Variants in MMP24 observed in about 807,000 individuals in gnomAD.
MMP24 encodes the protein matrix metallopeptidase 24, also known as matrix metalloproteinase-24.
A neutral mutation model predicts 62.8 loss-of-function variants in MMP24; 25 were observed. The observed-to-expected ratio is 0.40, with a 90% CI of 0.29 to 0.56. The LOEUF is 0.56. Among genes scored for constraint, MMP24 ranks in the 20% least tolerant of loss-of-function variants. The pLI is 0.50. For synonymous variants in MMP24, 319 were observed against 350.5 expected, an observed-to-expected ratio of 0.91 and a Z score of 1.00; for missense variants, 634 against 853.6, an observed-to-expected ratio of 0.74 and a Z score of 3.21.
Position 35,252,009 on chromosome 20 carries a change from A to G in MMP24, c.500A>G (p.His167Arg), listed in dbSNP as rs777388822. The G allele has an allele frequency of 3.2e-4, 516 of 1,612,706 alleles. 2 individuals carry two copies. Among genetic ancestry groups the G allele is most frequent in the Non-Finnish European group, 4.3e-4 (510 of 1,178,794 alleles). ...ALTGQKWRQK[H>R]ITYSIHNYTP... The stretch of plus-strand genomic sequence containing the variant: ...ACTGGACAGAAGTGGAGGCAAAAAC[A>G]CATCACCTACAGGTGCTTCGACTCT... Residue 167 changes from histidine to arginine, a missense_variant, in exon 3 of 9, where the codon CAC becomes CGC. Physicochemically the swap from His to Arg is conservative, Grantham distance 29. Around this residue, in one of 3 missense-constraint regions of MMP24, gnomAD observed 212 missense variants for 259.6 expected, o/e 0.82. Transcript: ENST00000246186.
At chr20:35,263,982 C>T (rs768428193) in intron 5 of MMP24, 30 bp downstream of exon 5, 2 of 1,567,904 alleles carry the variant, frequency 1.3e-6, no homozygotes, top group South Asian at 2.4e-5. Flanking sequence ...GGGACTGCTC[C>T]TTCCTCGGGG....
chr20:35,268,870 A>AC (rs2060650967), intron 6 of MMP24, among the ~76,000 whole-genome samples: 1 of 152,236 alleles, frequency 6.6e-6, no homozygotes, highest in Non-Finnish European at 1.5e-5. Flanking sequence ...TACTAAAAAT[A>AC]TAAAAAATTA....
At chr20:35,251,522 A>T (rs1162248009) in intron 2 of MMP24, among the ~76,000 whole-genome samples, 1 of 152,114 alleles carries the variant, frequency 6.6e-6, no homozygotes, top group African/African-American at 2.4e-5. Flanking sequence ...GCATTTTCAC[A>T]TGTACTTCCT....
chr20:35,242,945 A>C (rs370583522), intron 1 of MMP24, among the ~76,000 whole-genome samples: 1,758 of 152,318 alleles, frequency 0.012, 21 homozygotes, highest in South Asian at 0.022. Flanking sequence ...TGGGAGGCCA[A>C]GGCAGGTGTA....
intron 8 of MMP24, among the ~76,000 whole-genome samples, chr20:35,273,476 T>C (rs565209948): frequency 6.8e-6 from 1 of 147,740 alleles, no homozygotes; most frequent in Admixed American, 6.7e-5. Context: ...TGGGAAGGAG[T>C]CTCTGAGGAG....
intron 2 of MMP24, among the ~76,000 whole-genome samples, chr20:35,248,587 C>T (rs1234190323): frequency 1.3e-5 from 2 of 152,082 alleles, no homozygotes; most frequent in African/African-American, 2.4e-5. Flanking sequence ...GGATTACAGG[C>T]GTGAGCCACC....
chr20:35,229,571 A>G (rs1268625781), intron 1 of MMP24, among the ~76,000 whole-genome samples: 1 of 152,176 alleles, frequency 6.6e-6, no homozygotes, highest in Non-Finnish European at 1.5e-5. Flanking sequence ...CTTTCACTGA[A>G]CACTAGGGGA....
At chr20:35,255,436 C>G (rs750005540) in intron 4 of MMP24, among the ~76,000 whole-genome samples, 1 of 152,128 alleles carries the variant, frequency 6.6e-6, no homozygotes, top group Non-Finnish European at 1.5e-5. Flanking sequence ...ATGAATGACA[C>G]GACTGGCTCT....
intron 1 of MMP24, among the ~76,000 whole-genome samples, chr20:35,235,045 A>C (rs142114745): frequency 2.2e-3 from 339 of 152,330 alleles, no homozygotes; most frequent in Middle Eastern, 0.01. Context: ...TTAGGCTAAA[A>C]TAATGGAACT....
intron 3 of MMP24, among the ~76,000 whole-genome samples, chr20:35,253,868 G>GTTTTTTTTTTTTT (rs11474068): frequency 7.7e-6 from 1 of 130,084 alleles, no homozygotes; most frequent in African/African-American, 3.0e-5. Flanking sequence ...TTTCCTTTGG[G>GTTTTTTTTTTTTT]TTTTTTTTTT....
chr20:35,261,147 A>G (rs1175672562), intron 4 of MMP24, among the ~76,000 whole-genome samples: 2 of 152,074 alleles, frequency 1.3e-5, no homozygotes, highest in Admixed American at 1.3e-4. Flanking sequence ...TACCCCCTGC[A>G]TTTTCTCCCC....
intron 1 of MMP24, among the ~76,000 whole-genome samples, chr20:35,241,121 G>A (rs1267011703): frequency 6.6e-6 from 1 of 152,200 alleles, no homozygotes; most frequent in African/African-American, 2.4e-5. Context: ...GAACTGTGAA[G>A]GGCAGAGAGT....
intron 3 of MMP24, 113 bp from the exon 4 acceptor site, chr20:35,254,337 A>C: frequency 9.2e-7 from 1 of 1,081,210 alleles, no homozygotes; most frequent in Non-Finnish European, 1.3e-6. Context: ...AGCTAAGCAG[A>C]ATTCTAGGGT....
intron 1 of MMP24, among the ~76,000 whole-genome samples, chr20:35,240,253 C>T (rs989615826): frequency 1.3e-5 from 2 of 152,162 alleles, no homozygotes; most frequent in African/African-American, 4.8e-5. Context: ...CACTCCGGGA[C>T]TTCTCAGCTT....
rs2060698632 is a variant in MMP24 at position 35,275,464 on chromosome 20, G to A, written c.*855G>A. On this transcript the variant is annotated 3_prime_UTR_variant, in exon 9 of 9. Transcript: ENST00000246186. ...CCAGACACCCCAGTAGCTGAGCTCT[G>A]CTCCTATGGCTACAGAGCTGGGGCA... 6.6e-6 allele frequency: 1 copy of A among 152,228 alleles called. No individual in the cohort carries two copies. 9.4% of individuals were successfully genotyped at this position (152,228 alleles called of 1,614,324 possible).
chr20:35,232,053 A>G (rs1379139496), intron 1 of MMP24, among the ~76,000 whole-genome samples: 1 of 152,182 alleles, frequency 6.6e-6, no homozygotes, highest in East Asian at 1.9e-4. Context: ...AGAAGAAAAA[A>G]AGAAATTAAA....
At chr20:35,246,235 A>T (rs1170692145) in intron 1 of MMP24, among the ~76,000 whole-genome samples, 4 of 151,572 alleles carry the variant, frequency 2.6e-5, no homozygotes, top group African/African-American at 9.7e-5. Context: ...CGGGCGGATC[A>T]TGAGGTCAGG....
At position 35,247,954 on chromosome 20, in the gene MMP24, T is replaced by C. The variant is rs932835995; in HGVS notation, c.395+966T>C. Among the ~76,000 whole-genome samples the C allele has an allele frequency of 4.9e-4, 75 of 151,852 alleles. 1 individual carries two copies. The highest frequency in any genetic ancestry group is 4.3e-3 in the Admixed American group (65 of 15,238). On this transcript the variant is annotated intron_variant, in intron 2 of 8. Transcript: ENST00000246186. ...AATGGGTAGCAGCTAGAGGATGAAG[T>C]TTTGTTTGTCTAAGATAGGAGAGAG...
At chr20:35,233,363 T>C (rs2060446401) in intron 1 of MMP24, among the ~76,000 whole-genome samples, 1 of 152,092 alleles carries the variant, frequency 6.6e-6, no homozygotes, top group Non-Finnish European at 1.5e-5. Context: ...GAGCCAGGAT[T>C]GAACTACTGT....
Sources: allele counts gnomAD v4.1 joint callset (sites outside exome capture counted in the v4.1 genomes callset), GRCh38; gene constraint gnomAD v4.1.1; regional missense constraint gnomAD v4.1.1; transcripts MANE v1.5; gene names NCBI Gene and HGNC (gene_info 2026-07-23, HGNC 2026-07-21).